Variants in KAT2B observed in about 807,000 individuals in gnomAD.
KAT2B encodes the protein histone acetyltransferase KAT2B.
Under a neutral mutation model 105.9 loss-of-function variants are expected in KAT2B, and 36 were observed. That is an observed-to-expected ratio of 0.34 (90% CI 0.26 to 0.45). The LOEUF is 0.45. Ranked by LOEUF, KAT2B falls within the 20% of genes least tolerant of loss-of-function variation. The pLI is 1.00. For missense variants in KAT2B, 820 were observed against 1,021.6 expected, an observed-to-expected ratio of 0.80 and a Z score of 2.69; for synonymous variants, 397 against 377.9, an observed-to-expected ratio of 1.05 and a Z score of -0.59.
At chr3:20,047,415 T>A (rs955734348) in intron 1 of KAT2B, among the ~76,000 whole-genome samples, 1 of 152,016 alleles carries the variant, frequency 6.6e-6, no homozygotes. Flanking sequence ...ACTTAAAATC[T>A]GAAAAATCTC....
intron 6 of KAT2B, 38 bp downstream of exon 6, chr3:20,111,825 G>C (rs1699127025): frequency 6.5e-7 from 1 of 1,535,540 alleles, no homozygotes; most frequent in Admixed American, 1.8e-5. Context: ...TTTGATCCCA[G>C]AGCTTGAGGT....
chr3:20,102,076 G>A (rs1698920518), intron 5 of KAT2B, among the ~76,000 whole-genome samples: 1 of 152,102 alleles, frequency 6.6e-6, no homozygotes, highest in South Asian at 2.1e-4. Context: ...TAGCACTTTG[G>A]GAGTCTAAAG....
intron 2 of KAT2B, among the ~76,000 whole-genome samples, chr3:20,086,578 A>T (rs538937187): frequency 3.5e-4 from 53 of 152,254 alleles, no homozygotes; most frequent in Non-Finnish European, 1.3e-4. Flanking sequence ...TCCAGCTTGG[A>T]TGACCAAGGG....
chr3:20,090,728 T>A (rs1698702104), intron 2 of KAT2B, among the ~76,000 whole-genome samples: 1 of 152,078 alleles, frequency 6.6e-6, no homozygotes, highest in Non-Finnish European at 1.5e-5. Context: ...GAAGTATGCA[T>A]CCCTCTTCAG....
At chr3:20,133,709 A>C (rs182531200) in intron 11 of KAT2B, among the ~76,000 whole-genome samples, 92 of 152,246 alleles carry the variant, frequency 6.0e-4, no homozygotes, top group African/African-American at 2.1e-3. Context: ...TTATTTCCAG[A>C]TTGTCTTCTC....
chr3:20,061,157 C>A (rs1346473337), intron 1 of KAT2B, among the ~76,000 whole-genome samples: 3 of 152,168 alleles, frequency 2.0e-5, no homozygotes, highest in African/African-American at 7.2e-5. Context: ...TTCCTCCAAC[C>A]CCTCGGCAAC....
intron 1 of KAT2B, among the ~76,000 whole-genome samples, chr3:20,055,018 G>C (rs1697982323): frequency 6.6e-6 from 1 of 152,104 alleles, no homozygotes; most frequent in Non-Finnish European, 1.5e-5. Context: ...TCAATGCAGA[G>C]AGAAACCATT....
At chr3:20,129,223 A>G (rs1228600310) in intron 11 of KAT2B, among the ~76,000 whole-genome samples, 1 of 151,982 alleles carries the variant, frequency 6.6e-6, no homozygotes, top group Non-Finnish European at 1.5e-5. Flanking sequence ...TTATATGTAT[A>G]TATTTTTAAA....
chr3:20,119,524 A>C (rs1043695686), intron 7 of KAT2B, 74 bp from the exon 8 acceptor site: 26 of 1,543,492 alleles, frequency 1.7e-5, no homozygotes, highest in Non-Finnish European at 2.1e-5. Context: ...GGGTGGTCCC[A>C]TGTGCACTTC....
intron 1 of KAT2B, among the ~76,000 whole-genome samples, chr3:20,043,742 AT>A (rs1450722324): frequency 9.8e-5 from 14 of 142,872 alleles, no homozygotes; most frequent in Non-Finnish European, 2.2e-4. Context: ...AAAAAAAAAA[AT>A]TTAACTGGAC....
chr3:20,055,215 T>C (rs1268353699), intron 1 of KAT2B, among the ~76,000 whole-genome samples: 2 of 152,258 alleles, frequency 1.3e-5, no homozygotes, highest in African/African-American at 4.8e-5. Flanking sequence ...ACTTATGCTT[T>C]ACAAGCCTCA....
intron 1 of KAT2B, among the ~76,000 whole-genome samples, chr3:20,051,060 C>T (rs1445119333): frequency 6.6e-6 from 1 of 151,838 alleles, no homozygotes; most frequent in Admixed American, 6.6e-5. Flanking sequence ...ATTAGCTGGG[C>T]ATGGTGGCAC....
chr3:20,139,185 GA>G (rs1450640857), intron 12 of KAT2B, among the ~76,000 whole-genome samples: 2 of 151,820 alleles, frequency 1.3e-5, no homozygotes, highest in East Asian at 3.9e-4. Context: ...AAAGTGCTGA[GA>G]TTATAGGCAT....
chr3:20,133,271 A>G (rs1219063998), intron 11 of KAT2B, among the ~76,000 whole-genome samples: 8 of 152,186 alleles, frequency 5.3e-5, no homozygotes, highest in Admixed American at 5.2e-4. Flanking sequence ...TTCATATTGT[A>G]TGCATTGCAT....
Position 20,053,875 on chromosome 3 carries a change from C to T in KAT2B, c.303+13095C>T, listed in dbSNP as rs561750033. 1.7e-4 allele frequency among the ~76,000 whole-genome samples: 26 copies of T among 151,946 alleles called. No individual in the cohort carries two copies. The South Asian group carries it at 3.3e-3, about 19-fold the overall frequency. Reference sequence around the variant, plus strand: ...GTGCAGTGGCATGATCTCAGCTCACCGCGACTTCCATCTCCAGGTTCAAGT... The same window carrying T: ...GTGCAGTGGCATGATCTCAGCTCACTGCGACTTCCATCTCCAGGTTCAAGT... On this transcript the variant is annotated intron_variant, in intron 1 of 17. Transcript: ENST00000263754.
chr3:20,090,030 T>A (rs540705543), intron 2 of KAT2B, among the ~76,000 whole-genome samples: 1 of 151,774 alleles, frequency 6.6e-6, no homozygotes, highest in Admixed American at 6.6e-5. Context: ...AAACGAATGG[T>A]ACTGATCTTT....
In KAT2B at chr3:20,099,809, T is replaced by C. The variant is rs11128939; in HGVS notation, c.577-53T>C. 164,088 of 871,470 alleles carry C rather than the reference T, an allele frequency of 0.19. 17,002 individuals carry two copies. The highest frequency in any genetic ancestry group is 0.23 in the Middle Eastern group (748 of 3,254). The allele number at this position is 871,470 out of a possible 1,614,324, so 54.0% of individuals were successfully genotyped here. On this transcript the variant is annotated intron_variant, in intron 3 of 17. Transcript: ENST00000263754. ...AAACAGAAGAGAGAGGAGAGAGAGATAGACATACCAATTAAGTTTTTCTTT... is the reference window on the plus strand; with the variant it reads ...AAACAGAAGAGAGAGGAGAGAGAGACAGACATACCAATTAAGTTTTTCTTT...
intron 2 of KAT2B, 78 bp downstream of exon 2, chr3:20,072,537 T>C: frequency 7.0e-7 from 1 of 1,419,148 alleles, no homozygotes; most frequent in Admixed American, 1.7e-5. Flanking sequence ...ATTCTGTGGG[T>C]TCACCAAATT....
rs567476911 is a variant in KAT2B, at chr3:20,060,077, T to C, written c.304-12256T>C. On this transcript the variant is annotated intron_variant, in intron 1 of 17. Coordinates refer to ENST00000263754, the MANE Select transcript of KAT2B (RefSeq NM_003884.5). ...TATGTCAGCACTTCTTTATCTTTCA[T>C]TGCAAGTAATAATCCGTTATATGAC... Among the ~76,000 whole-genome samples the C allele has an allele frequency of 2.6e-5, 4 of 152,364 alleles. No homozygotes were observed. The South Asian group carries it at 8.3e-4, about 32-fold the overall frequency.
Sources: gnomAD v4.1 joint callset for allele counts (sites outside exome capture counted in the v4.1 genomes callset) on GRCh38, gnomAD v4.1.1 for gene constraint, MANE v1.5 for transcripts, NCBI Gene and HGNC (gene_info 2026-07-23, HGNC 2026-07-21) for gene names.